The following HIPK2 variants were observed in gnomAD, a reference collection of about 807,000 sequenced individuals.
The protein encoded by HIPK2 is homeodomain-interacting protein kinase 2.
In HIPK2, 27 loss-of-function variants were observed where a neutral mutation model predicts 113.7. That is an observed-to-expected ratio of 0.24 (90% CI 0.17 to 0.33). The LOEUF (loss-of-function observed/expected upper bound fraction) is 0.33. Among genes scored for constraint, HIPK2 ranks in the 10% least tolerant of loss-of-function variants. The pLI is 1.00. For missense variants in HIPK2, 1,257 were observed against 1,588.0 expected (o/e 0.79, Z 3.54); for synonymous variants, 631 against 642.2 (o/e 0.98, Z 0.26).
At chr7:139,699,510 T>C (rs1794650459) in intron 2 of HIPK2, among the ~76,000 whole-genome samples, 1 of 152,060 alleles carries the variant, frequency 6.6e-6, no homozygotes. Context: ...CAGCAAGAAG[T>C]TACGTTTTGT....
chr7:139,658,242 G>C (rs1274158342), intron 2 of HIPK2, among the ~76,000 whole-genome samples: 1 of 151,550 alleles, frequency 6.6e-6, no homozygotes, highest in Non-Finnish European at 1.5e-5. Context: ...GGAGGCGGAG[G>C]TTGCAGTGAG....
At chr7:139,678,723 T>A (rs150110605) in intron 2 of HIPK2, among the ~76,000 whole-genome samples, 1 of 152,238 alleles carries the variant, frequency 6.6e-6, no homozygotes, top group Non-Finnish European at 1.5e-5. Context: ...TTGATGGGGA[T>A]AGCACTGAAT....
intron 13 of HIPK2, among the ~76,000 whole-genome samples, chr7:139,576,834 G>C (rs1335675318): frequency 1.3e-5 from 2 of 152,250 alleles, no homozygotes; most frequent in Non-Finnish European, 2.9e-5. Flanking sequence ...GAGCCCCAGA[G>C]GGCGGGAGCT....
At chr7:139,584,623 C>T (rs1315230075) in intron 12 of HIPK2, among the ~76,000 whole-genome samples, 2 of 152,264 alleles carry the variant, frequency 1.3e-5, no homozygotes, top group East Asian at 3.8e-4. Context: ...GCACACAGCA[C>T]AGTGCAGACA....
chr7:139,691,445 A>G (rs1214858735), intron 2 of HIPK2, among the ~76,000 whole-genome samples: 1 of 152,246 alleles, frequency 6.6e-6, no homozygotes, highest in Admixed American at 6.5e-5. Flanking sequence ...AGCCAATGTC[A>G]TTAAGTCTTG....
intron 10 of HIPK2, among the ~76,000 whole-genome samples, chr7:139,602,452 T>C (rs933737233): frequency 3.3e-5 from 5 of 152,058 alleles, no homozygotes; most frequent in Admixed American, 2.0e-4. Flanking sequence ...CTGTGGTCAC[T>C]AGGTAAGAGA....
intron 2 of HIPK2, among the ~76,000 whole-genome samples, chr7:139,686,950 T>G (rs575251613): frequency 6.6e-6 from 1 of 152,118 alleles, no homozygotes; most frequent in Non-Finnish European, 1.5e-5. Flanking sequence ...TTTGACAAAA[T>G]TGCCACAGCC....
intron 2 of HIPK2, among the ~76,000 whole-genome samples, chr7:139,675,334 G>A (rs1284802421): frequency 6.6e-6 from 1 of 151,820 alleles, no homozygotes; most frequent in African/African-American, 2.4e-5. Context: ...GACAGGTTGT[G>A]CAACAGGTCA....
chr7:139,614,428 TG>T lies in HIPK2; in HGVS notation c.1847del (p.Pro616HisfsTer108). On this transcript the variant is annotated frameshift_variant, in exon 8 of 15. Transcript: ENST00000406875. LOFTEE classifies it high-confidence loss of function. ...ANPEVSILNYPSTLYQPSAAS... is the reference protein window; with the variant it reads ...ANPEVSILNYXSTLYQPSAAS... Reference sequence around the variant, plus strand: ...CCGCTGAGGGCTGGTAGAGTGTAGATGGGTAGTTTAGTATGGAGACTTCGGG... The same window carrying T: ...CCGCTGAGGGCTGGTAGAGTGTAGATGGTAGTTTAGTATGGAGACTTCGGG... 6.4e-7 allele frequency: 1 copy of T among 1,550,894 alleles called. No individual in the cohort carries two copies. The highest frequency in any genetic ancestry group is 8.8e-7 in the Non-Finnish European group (1 of 1,142,582).
intron 1 of HIPK2, among the ~76,000 whole-genome samples, chr7:139,723,382 T>C (rs891660563): frequency 1.3e-5 from 2 of 152,036 alleles, no homozygotes; most frequent in Non-Finnish European, 2.9e-5. Context: ...TTAGTAGAGA[T>C]GGGGTTTCAG....
intron 1 of HIPK2, among the ~76,000 whole-genome samples, chr7:139,739,207 T>C (rs971526047): frequency 2.0e-5 from 3 of 152,208 alleles, no homozygotes; most frequent in South Asian, 2.1e-4. Context: ...ACCACAGGTA[T>C]ATGCCACCAT....
At chr7:139,717,910 A>C (rs2116958444) in intron 1 of HIPK2, among the ~76,000 whole-genome samples, 1 of 151,918 alleles carries the variant, frequency 6.6e-6, no homozygotes. Context: ...CGCCCGACTA[A>C]TTTTTGAATT....
intron 2 of HIPK2, among the ~76,000 whole-genome samples, chr7:139,668,053 G>C (rs1298560995): frequency 6.6e-6 from 1 of 151,002 alleles, no homozygotes; most frequent in Non-Finnish European, 1.5e-5. Context: ...TTGAACCCAG[G>C]AGGTGGAGGT....
At position 139,563,685 on chromosome 7, in the gene HIPK2, G is replaced by A. The variant is rs1245334117; in HGVS notation, c.*9242C>T. On this transcript the variant is annotated 3_prime_UTR_variant, in exon 15 of 15. Transcript: ENST00000406875. ...GGAAAGTGGGAGTATGATTAGGAGGGGTGAGATGAAAACTATTTTACAGTA... is the reference window on the plus strand; with the variant it reads ...GGAAAGTGGGAGTATGATTAGGAGGAGTGAGATGAAAACTATTTTACAGTA... The A allele has an allele frequency of 2.5e-6, 1 of 396,962 alleles. No homozygotes were observed. Among genetic ancestry groups the A allele is most frequent in the Admixed American group, 4.4e-5 (1 of 22,678 alleles). 24.6% of individuals were successfully genotyped at this position (396,962 alleles called of 1,614,324 possible). A position where few individuals can be genotyped will look rare whatever the true frequency, so the allele number is the denominator to read the frequency against.
chr7:139,575,812 T>C (rs1460110356), intron 13 of HIPK2, among the ~76,000 whole-genome samples: 6 of 152,332 alleles, frequency 3.9e-5, no homozygotes, highest in Middle Eastern at 3.4e-3. Context: ...GGTTAGCTAT[T>C]GAGAGATTGG....
chr7:139,603,789 AAC>A (rs1799521488), intron 10 of HIPK2, among the ~76,000 whole-genome samples: 1 of 152,200 alleles, frequency 6.6e-6, no homozygotes, highest in Non-Finnish European at 1.5e-5. Context: ...CATCATCCAG[AAC>A]CAAGTCTGGT....
chr7:139,654,611 G>A (rs1421000172), intron 2 of HIPK2, among the ~76,000 whole-genome samples: 1 of 152,210 alleles, frequency 6.6e-6, no homozygotes, highest in Non-Finnish European at 1.5e-5. Context: ...CCTTATGGTG[G>A]TCTGTTATGG....
At chr7:139,682,556 G>A (rs1242315812) in intron 2 of HIPK2, among the ~76,000 whole-genome samples, 2 of 152,150 alleles carry the variant, frequency 1.3e-5, no homozygotes, top group East Asian at 1.9e-4. Context: ...CCTGTGGTGG[G>A]TGGGGCCGTA....
At chr7:139,713,588 C>T (rs1795133455) in intron 2 of HIPK2, among the ~76,000 whole-genome samples, 1 of 152,158 alleles carries the variant, frequency 6.6e-6, no homozygotes, top group South Asian at 2.1e-4. Context: ...CAGAGTTTGT[C>T]GAAGTCTTTT....
Sources: gnomAD v4.1 joint callset for allele counts (sites outside exome capture counted in the v4.1 genomes callset) on GRCh38, gnomAD v4.1.1 for gene constraint, MANE v1.5 for transcripts, NCBI Gene and HGNC (gene_info 2026-07-23, HGNC 2026-07-21) for gene names.